PEX5L: variants seen among roughly 807,000 people sequenced by gnomAD.
PEX5L encodes peroxisomal biogenesis factor 5 like.
PEX5L carries 30 observed loss-of-function variants against 84.0 expected under a neutral mutation model. That is an observed-to-expected ratio of 0.36 (90% CI 0.27 to 0.48). The LOEUF (loss-of-function observed/expected upper bound fraction) is 0.48. Among genes scored for constraint, PEX5L ranks in the 20% least tolerant of loss-of-function variants. PEX5L has a pLI of 0.99. For missense variants in PEX5L, 533 were observed against 754.6 expected (o/e 0.71, Z 3.44); for synonymous variants, 270 against 283.1 (o/e 0.95, Z 0.46).
intron 14 of PEX5L, among the ~76,000 whole-genome samples, chr3:179,805,355 G>A (rs866388571): frequency 3.3e-5 from 5 of 151,982 alleles, no homozygotes; most frequent in East Asian, 1.9e-4. Context: ...CTTGGTATCC[G>A]TGGGGGATTG....
At chr3:179,855,343 T>C (rs1359177963) in intron 8 of PEX5L, among the ~76,000 whole-genome samples, 2 of 152,188 alleles carry the variant, frequency 1.3e-5, no homozygotes, top group Admixed American at 1.3e-4. Context: ...TATTTAAAAT[T>C]GCCTCTGATG....
intron 3 of PEX5L, among the ~76,000 whole-genome samples, chr3:179,893,819 T>C (rs1347318693): frequency 6.6e-6 from 1 of 152,210 alleles, no homozygotes; most frequent in Non-Finnish European, 1.5e-5. Context: ...TTTATAATAC[T>C]ATGGCATGTC....
At chr3:179,802,345 G>T (rs955430308) in intron 14 of PEX5L, among the ~76,000 whole-genome samples, 13 of 151,828 alleles carry the variant, frequency 8.6e-5, no homozygotes, top group African/African-American at 3.1e-4. Context: ...GATCAGCCTG[G>T]CCAACATGGT....
intron 2 of PEX5L, among the ~76,000 whole-genome samples, chr3:179,962,971 C>T (rs1782443242): frequency 6.6e-6 from 1 of 152,180 alleles, no homozygotes; most frequent in South Asian, 2.1e-4. Context: ...ATACATTTTT[C>T]CAGCTTGAAA....
rs980280789 is a variant in PEX5L at position 179,983,452 on chromosome 3, A to G, written c.22-11787T>C. On this transcript the variant is annotated intron_variant, in intron 1 of 14. Transcript: ENST00000467460. ...TCAGAAACTTTGAAGGGAACTGTGA[A>G]GTGAGAACTATTTTCTTAATAGTAC... is the stretch of plus-strand genomic sequence containing the variant. Among the ~76,000 whole-genome samples, 3 of 152,166 alleles carry G rather than the reference A, an allele frequency of 2.0e-5. No individual in the cohort carries two copies. In the East Asian group the frequency reaches 5.8e-4, roughly 29 times the overall value.
Position 179,968,697 on chromosome 3 carries a change from C to CTGTGTGTGTGTG in PEX5L, c.93+2885_93+2896dup, listed in dbSNP as rs67094806. Among the ~76,000 whole-genome samples the CTGTGTGTGTGTG allele has an allele frequency of 5.7e-3, 814 of 143,920 alleles. 2 individuals carry two copies. Among genetic ancestry groups the CTGTGTGTGTGTG allele is most frequent in the Middle Eastern group, 0.021 (6 of 286 alleles). 94.4% of individuals were successfully genotyped at this position (143,920 alleles called of 152,430 possible). A position where few individuals can be genotyped will look rare whatever the true frequency, so the allele number is the denominator to read the frequency against. ...GTGTGATACATTTCTATTTAAATGA[C>CTGTGTGTGTGTG]TGTGTGTGTGTGTGTGTGTGTGTGT... is the stretch of plus-strand genomic sequence containing the variant. On this transcript the variant is annotated intron_variant, in intron 2 of 14. Transcript: ENST00000467460.
intron 8 of PEX5L, among the ~76,000 whole-genome samples, chr3:179,824,400 G>A (rs948536790): frequency 6.6e-6 from 1 of 152,170 alleles, no homozygotes; most frequent in South Asian, 2.1e-4. Context: ...AAACAGCTCT[G>A]CCTATGCAGA....
intron 1 of PEX5L, among the ~76,000 whole-genome samples, chr3:179,996,309 T>C (rs188922897): frequency 1.1e-3 from 162 of 152,256 alleles, no homozygotes; most frequent in Non-Finnish European, 1.9e-3. Flanking sequence ...TGTGGGATAA[T>C]GGGGGAAGGA....
chr3:179,897,411 T>A (rs1759724669), intron 3 of PEX5L, among the ~76,000 whole-genome samples: 1 of 152,196 alleles, frequency 6.6e-6, no homozygotes, highest in Admixed American at 6.6e-5. Context: ...ATGTAGATTT[T>A]ACAGGGTGTT....
At chr3:179,951,539 C>A (rs998421098) in intron 2 of PEX5L, among the ~76,000 whole-genome samples, 1 of 152,052 alleles carries the variant, frequency 6.6e-6, no homozygotes, top group African/African-American at 2.4e-5. Context: ...CTTGCTGCCT[C>A]GAACTCAGAG....
At chr3:179,831,231 T>G (rs948556188) in intron 8 of PEX5L, among the ~76,000 whole-genome samples, 5 of 151,650 alleles carry the variant, frequency 3.3e-5, no homozygotes, top group African/African-American at 1.2e-4. Flanking sequence ...AGAGAATTGC[T>G]TGAACCCAGG....
At chr3:179,923,830 G>C (rs1770596743) in intron 2 of PEX5L, among the ~76,000 whole-genome samples, 1 of 152,180 alleles carries the variant, frequency 6.6e-6, no homozygotes, top group Non-Finnish European at 1.5e-5. Flanking sequence ...TGTTTAAAAA[G>C]TATCAGCAGT....
At chr3:179,806,256 C>CAA (rs1295441907) in intron 14 of PEX5L, among the ~76,000 whole-genome samples, 2 of 152,064 alleles carry the variant, frequency 1.3e-5, no homozygotes, top group Non-Finnish European at 2.9e-5. Context: ...AGTTAGGATA[C>CAA]AAAATAGACA....
chr3:179,911,542 A>T (rs1270516186), intron 2 of PEX5L, among the ~76,000 whole-genome samples: 1 of 152,232 alleles, frequency 6.6e-6, no homozygotes, highest in Non-Finnish European at 1.5e-5. Context: ...ATACGCTCTA[A>T]TAATATTATA....
chr3:179,828,517 C>T (rs1006581050), intron 8 of PEX5L, among the ~76,000 whole-genome samples: 1 of 152,154 alleles, frequency 6.6e-6, no homozygotes, highest in Non-Finnish European at 1.5e-5. Context: ...CTGTAGCCAA[C>T]TGAGTTTGCA....
At chr3:179,971,456 C>A in intron 2 of PEX5L, 138 bp downstream of exon 2, 1 of 1,252,986 alleles carries the variant, frequency 8.0e-7, no homozygotes, top group Non-Finnish European at 1.0e-6. Context: ...AGCGGCTTAG[C>A]TGCTCTCAAA....
chr3:180,022,799 G>A (rs1790534811), intron 1 of PEX5L, among the ~76,000 whole-genome samples: 1 of 152,128 alleles, frequency 6.6e-6, no homozygotes, highest in Non-Finnish European at 1.5e-5. Context: ...CATAAAAGAT[G>A]GGTGTTTTGT....
At chr3:179,813,525 G>T (rs187118261) in intron 10 of PEX5L, among the ~76,000 whole-genome samples, 110 of 152,220 alleles carry the variant, frequency 7.2e-4, no homozygotes, top group African/African-American at 2.6e-3. Context: ...TTGAGACAGG[G>T]TCTTGCTCTG....
chr3:180,033,644 G>A (rs1398119882), intron 1 of PEX5L, among the ~76,000 whole-genome samples: 1 of 152,150 alleles, frequency 6.6e-6, no homozygotes, highest in Non-Finnish European at 1.5e-5. Flanking sequence ...GGCCCTCAAT[G>A]AGCAACAGAG....
Sources: gnomAD v4.1 joint callset for allele counts (sites outside exome capture counted in the v4.1 genomes callset) on GRCh38, gnomAD v4.1.1 for gene constraint, MANE v1.5 for transcripts, NCBI Gene and HGNC (gene_info 2026-07-23, HGNC 2026-07-21) for gene names.